Variants in DOK6 observed in about 807,000 individuals in gnomAD.
The protein encoded by DOK6 is docking protein 6.
A neutral mutation model predicts 44.0 loss-of-function variants in DOK6; 22 were observed. The ratio of observed to expected loss-of-function variants is 0.50; its 90% CI spans 0.36 to 0.71. The LOEUF (loss-of-function observed/expected upper bound fraction) is 0.71. DOK6 is among the 30% of genes least tolerant of loss of function. The probability of loss-of-function intolerance (pLI) is 0.00; values close to 1 mark genes in which losing one functional copy is unlikely to be tolerated. For synonymous variants in DOK6, 166 were observed against 145.5 expected (o/e 1.14, Z -1.01); for missense variants, 340 against 416.4 (o/e 0.82, Z 1.60).
chr18:69,610,678 A>T lies in DOK6; in HGVS notation c.289+11180A>T, dbSNP rs553394623. Among the ~76,000 whole-genome samples the T allele has an allele frequency of 3.9e-5, 6 of 152,362 alleles. No individual in the cohort carries two copies. In the South Asian group the frequency reaches 1.2e-3, roughly 32 times the overall value. ...ACCAACGGTGAATTGAAAATATTTC[A>T]GAAGAAAAATAACAATACACCAATA... On this transcript the variant is annotated intron_variant, in intron 3 of 7. Transcript: ENST00000382713.
chr18:69,487,520 A>T (rs1345150581), intron 1 of DOK6, among the ~76,000 whole-genome samples: 1 of 152,074 alleles, frequency 6.6e-6, no homozygotes, highest in East Asian at 1.9e-4. Context: ...TTATCCTTTT[A>T]TTATTTTCAT....
At chr18:69,437,994 A>T (rs566891109) in intron 1 of DOK6, among the ~76,000 whole-genome samples, 1 of 152,324 alleles carries the variant, frequency 6.6e-6, no homozygotes, top group Admixed American at 6.5e-5. Flanking sequence ...AATGCCAATG[A>T]TCATCTGAGA....
At chr18:69,530,314 C>G (rs1281163460) in intron 1 of DOK6, among the ~76,000 whole-genome samples, 4 of 152,068 alleles carry the variant, frequency 2.6e-5, no homozygotes, top group Non-Finnish European at 5.9e-5. Context: ...CAGACATTAG[C>G]TGCATCTTAA....
intron 1 of DOK6, among the ~76,000 whole-genome samples, chr18:69,564,128 A>C (rs1269380535): frequency 6.7e-6 from 1 of 150,146 alleles, no homozygotes; most frequent in Non-Finnish European, 1.5e-5. Context: ...TTATTATGTA[A>C]GTGCTTCACT....
intron 3 of DOK6, among the ~76,000 whole-genome samples, chr18:69,607,949 G>T (rs1275650535): frequency 6.6e-6 from 1 of 152,136 alleles, no homozygotes; most frequent in Non-Finnish European, 1.5e-5. Context: ...AAGTGACAAG[G>T]AGGAAATGTT....
chr18:69,419,262 C>G (rs1978419631), intron 1 of DOK6, among the ~76,000 whole-genome samples: 1 of 152,106 alleles, frequency 6.6e-6, no homozygotes, highest in African/African-American at 2.4e-5. Context: ...GAGCTGCATT[C>G]CCATCCAAAA....
chr18:69,811,109 G>A (rs1385950061), intron 7 of DOK6, among the ~76,000 whole-genome samples: 8 of 151,926 alleles, frequency 5.3e-5, no homozygotes, highest in African/African-American at 1.9e-4. Context: ...ACACAAACAA[G>A]TAGAGTAGTA....
At chr18:69,645,153 T>G (rs1985039188) in intron 3 of DOK6, among the ~76,000 whole-genome samples, 1 of 152,130 alleles carries the variant, frequency 6.6e-6, no homozygotes, top group Non-Finnish European at 1.5e-5. Flanking sequence ...TGTGTATAAT[T>G]CCATGCCATT....
chr18:69,636,411 T>C (rs1178408830), intron 3 of DOK6, among the ~76,000 whole-genome samples: 1 of 152,176 alleles, frequency 6.6e-6, no homozygotes, highest in Middle Eastern at 3.2e-3. Context: ...CTTCTGTCTA[T>C]GTATATGGCC....
intron 3 of DOK6, among the ~76,000 whole-genome samples, chr18:69,665,952 T>C (rs929741089): frequency 6.6e-6 from 1 of 152,182 alleles, no homozygotes; most frequent in African/African-American, 2.4e-5. Context: ...ATATTGGGCT[T>C]CACCTTTGAG....
chr18:69,412,841 A>G (rs982331200), intron 1 of DOK6, among the ~76,000 whole-genome samples: 4 of 152,134 alleles, frequency 2.6e-5, no homozygotes, highest in Non-Finnish European at 4.4e-5. Flanking sequence ...CAGCTAGAGC[A>G]CAAGAACATG....
At chr18:69,486,714 T>G (rs1372769) in intron 1 of DOK6, among the ~76,000 whole-genome samples, 117,509 of 152,082 alleles carry the variant, frequency 0.77, 45,591 homozygotes, top group African/African-American at 0.79. Flanking sequence ...GTGGTGGTTA[T>G]GTCTCTCTGG....
intron 1 of DOK6, among the ~76,000 whole-genome samples, chr18:69,455,466 C>G (rs1979608851): frequency 6.6e-6 from 1 of 152,182 alleles, no homozygotes; most frequent in African/African-American, 2.4e-5. Flanking sequence ...TGAACATTGA[C>G]TCAACTATTT....
intron 2 of DOK6, among the ~76,000 whole-genome samples, chr18:69,597,068 AAATT>A (rs1275474643): frequency 3.3e-5 from 5 of 152,042 alleles, no homozygotes; most frequent in Admixed American, 6.6e-5. Context: ...AAAATTATAT[AAATT>A]AATTAAAATT....
At chr18:69,545,318 G>C (rs966386076) in intron 1 of DOK6, among the ~76,000 whole-genome samples, 32 of 149,824 alleles carry the variant, frequency 2.1e-4, no homozygotes, top group African/African-American at 7.8e-4. Flanking sequence ...GGTACTGCTG[G>C]GCAGGTGTAC....
chr18:69,532,312 G>C (rs1982007828), intron 1 of DOK6, among the ~76,000 whole-genome samples: 1 of 152,036 alleles, frequency 6.6e-6, no homozygotes, highest in South Asian at 2.1e-4. Context: ...CATTTGCAGA[G>C]CTCTCAGTGT....
At chr18:69,691,466 T>C (rs1261986445) in intron 4 of DOK6, among the ~76,000 whole-genome samples, 2 of 152,176 alleles carry the variant, frequency 1.3e-5, no homozygotes, top group African/African-American at 4.8e-5. Context: ...GACTGGCTTC[T>C]CACCTCACCC....
intron 5 of DOK6, 26 bp downstream of exon 5, chr18:69,698,619 G>T: frequency 1.2e-6 from 2 of 1,604,782 alleles, no homozygotes; most frequent in Non-Finnish European, 1.7e-6. Flanking sequence ...GCAGCCAAGT[G>T]CAGGAGTTGT....
At position 69,734,005 on chromosome 18, in the gene DOK6, G is replaced by A. The variant is rs191099798; in HGVS notation, c.600-4960G>A. ...CAAATTCATCTATCTTTTCTTCTGT[G>A]ACTTTATTTGAATCCTCGCTTGAAA... On this transcript the variant is annotated intron_variant, in intron 5 of 7. Transcript: ENST00000382713. Among the ~76,000 whole-genome samples the A allele has an allele frequency of 1.1e-3, 168 of 152,166 alleles. 1 individual carries two copies. Among genetic ancestry groups the A allele is most frequent in the African/African-American group, 3.7e-3 (155 of 41,552 alleles).
Sources: allele counts gnomAD v4.1 joint callset (sites outside exome capture counted in the v4.1 genomes callset), GRCh38; gene constraint gnomAD v4.1.1; transcripts MANE v1.5; gene names NCBI Gene and HGNC (gene_info 2026-07-23, HGNC 2026-07-21).